Variants in ARHGEF11 observed in about 807,000 individuals in gnomAD.
ARHGEF11 encodes Rho guanine exchange factor (GEF) 11.
Under a neutral mutation model 193.7 loss-of-function variants are expected in ARHGEF11, and 55 were observed. That is an observed-to-expected ratio of 0.28 (90% confidence interval 0.23 to 0.36). The LOEUF is 0.36. Ranked by LOEUF, ARHGEF11 falls within the 10% of genes least tolerant of loss-of-function variation. The probability of loss-of-function intolerance (pLI) is 1.00; values close to 1 mark genes in which losing one functional copy is unlikely to be tolerated. For synonymous variants in ARHGEF11, 693 were observed against 768.0 expected, an observed-to-expected ratio of 0.90 and a Z score of 1.62; for missense variants, 1,723 against 2,005.6, an observed-to-expected ratio of 0.86 and a Z score of 2.69.
In ARHGEF11 at chr1:157,012,854, C is replaced by G. The variant is rs796733442; in HGVS notation, c.33-26681G>C. ...CAATCATCATCACCGCCATCCTCAT[C>G]ATTTCTTGGCCATTCATTCAACAAA... is the stretch of plus-strand genomic sequence containing the variant. On this transcript the variant is annotated intron_variant, in intron 1 of 40. Coordinates refer to ENST00000368194, the MANE Select transcript of ARHGEF11 (RefSeq NM_198236.3). 1.7e-4 allele frequency among the ~76,000 whole-genome samples: 26 copies of G among 152,310 alleles called. 1 individual carries two copies. The highest frequency in any genetic ancestry group is 6.3e-4 in the African/African-American group (26 of 41,574).
At chr1:157,018,170 G>A (rs903546510) in intron 1 of ARHGEF11, among the ~76,000 whole-genome samples, 2 of 152,142 alleles carry the variant, frequency 1.3e-5, no homozygotes. Context: ...AAACATTGCT[G>A]AGAGAACTTA....
chr1:157,011,461 A>C (rs143537260), intron 1 of ARHGEF11, among the ~76,000 whole-genome samples: 7 of 152,260 alleles, frequency 4.6e-5, no homozygotes, highest in African/African-American at 1.4e-4. Flanking sequence ...GCATACGCAA[A>C]AAAAGAAAAA....
At chr1:156,976,322 C>A (rs1663250864) in intron 7 of ARHGEF11, among the ~76,000 whole-genome samples, 2 of 152,056 alleles carry the variant, frequency 1.3e-5, no homozygotes, top group Non-Finnish European at 1.5e-5. Flanking sequence ...CCCCATATTT[C>A]CCATTATTAA....
rs542250379 is a variant in ARHGEF11, at chr1:156,954,746, C to T, written c.1798+146G>A. On this transcript the variant is annotated intron_variant, in intron 21 of 40. Transcript: ENST00000368194. ...CAGCAGCTTTAGCAACAATGAGCAA[C>T]GCATAAGAGAAATGGAGAGAAGAAA... 3.1e-4 allele frequency: 240 copies of T among 764,972 alleles called. 1 individual carries two copies. In the South Asian group the frequency reaches 3.4e-3, roughly 11 times the overall value. 47.4% of individuals were successfully genotyped at this position (764,972 alleles called of 1,614,324 possible).
Position 156,940,421 on chromosome 1 carries a change from A to T in ARHGEF11, c.3519T>A (p.Thr1173=). 1.9e-6 allele frequency: 3 copies of T among 1,599,434 alleles called. No homozygotes were observed. Among genetic ancestry groups the T allele is most frequent in the East Asian group, 4.5e-5 (2 of 44,510 alleles). The part of the protein sequence containing the change: ...EPEPEELPGG[T]GSQQRVQGKH... Reference sequence around the variant, plus strand: ...TCCCTTGGACCCTCTGCTGGGACCCAGTGCCTGTTTCGGATGAGAGAAGAT... The same window carrying T: ...TCCCTTGGACCCTCTGCTGGGACCCTGTGCCTGTTTCGGATGAGAGAAGAT... Residue 1173 remains threonine (T), a synonymous_variant, in exon 36 of 41, where the codon ACT becomes ACA. Transcript: ENST00000368194.
intron 1 of ARHGEF11, among the ~76,000 whole-genome samples, chr1:157,010,260 T>G (rs1387038670): frequency 6.6e-6 from 1 of 152,078 alleles, no homozygotes; most frequent in Admixed American, 6.6e-5. Flanking sequence ...CCAGGGCAAT[T>G]AGGCAAGAAA....
At chr1:156,938,696 A>C in intron 37 of ARHGEF11, 183 bp from the exon 38 acceptor site, 9 of 512,776 alleles carry the variant, frequency 1.8e-5, no homozygotes, top group East Asian at 3.4e-5. Context: ...CTTTCCACCA[A>C]TTCACCGAGA....
At chr1:156,950,596 C>T (rs1263545979) in intron 22 of ARHGEF11, among the ~76,000 whole-genome samples, 2 of 152,160 alleles carry the variant, frequency 1.3e-5, no homozygotes, top group African/African-American at 2.4e-5. Flanking sequence ...GCTATGATTG[C>T]ACCACTGCAA....
chr1:157,030,139 T>C (rs752522490), intron 1 of ARHGEF11, among the ~76,000 whole-genome samples: 5 of 152,198 alleles, frequency 3.3e-5, no homozygotes, highest in Non-Finnish European at 7.3e-5. Context: ...GTAGATTTTA[T>C]GGTATTGTAT....
At chr1:156,976,130 C>T (rs183083028) in intron 7 of ARHGEF11, among the ~76,000 whole-genome samples, 1 of 152,326 alleles carries the variant, frequency 6.6e-6, no homozygotes, top group East Asian at 1.9e-4. Flanking sequence ...CCAACACACA[C>T]ACACGGTATC....
In ARHGEF11 at chr1:156,953,684, C is replaced by CTA. The variant is rs776051693; in HGVS notation, c.1798+1207_1798+1208insTA. ...TTGCATCCCATTGCTGTCTCTCTCT[C>CTA]TCTCTCTATATATATTTATTGTAGA... On this transcript the variant is annotated intron_variant, in intron 21 of 40. Transcript: ENST00000368194. 5.3e-5 allele frequency among the ~76,000 whole-genome samples: 8 copies of CTA among 152,144 alleles called. No homozygotes were observed. The East Asian group carries it at 7.7e-4, about 15-fold the overall frequency.
At chr1:156,989,582 C>T (rs1406533289) in intron 1 of ARHGEF11, among the ~76,000 whole-genome samples, 2 of 152,206 alleles carry the variant, frequency 1.3e-5, no homozygotes, top group East Asian at 3.8e-4. Context: ...TACTACCTAC[C>T]TCTACTGGAT....
intron 1 of ARHGEF11, among the ~76,000 whole-genome samples, chr1:157,013,307 C>T (rs1668801186): frequency 2.2e-5 from 1 of 44,726 alleles, no homozygotes; most frequent in Non-Finnish European, 6.3e-5. Flanking sequence ...ACACCAAGAA[C>T]CTTCTCCGGT....
intron 1 of ARHGEF11, among the ~76,000 whole-genome samples, chr1:157,040,507 G>A (rs1318783503): frequency 6.6e-6 from 1 of 152,206 alleles, no homozygotes; most frequent in Non-Finnish European, 1.5e-5. Context: ...AGACATTTAA[G>A]GTGAGCCAAG....
At chr1:157,009,491 C>A (rs1231799824) in intron 1 of ARHGEF11, among the ~76,000 whole-genome samples, 1 of 152,292 alleles carries the variant, frequency 6.6e-6, no homozygotes, top group East Asian at 1.9e-4. Context: ...CCACAAAGTG[C>A]CAACTGTACA....
intron 33 of ARHGEF11, among the ~76,000 whole-genome samples, chr1:156,942,344 C>T (rs189893444): frequency 6.6e-6 from 1 of 152,348 alleles, no homozygotes; most frequent in East Asian, 1.9e-4. Flanking sequence ...CCTCTGGCAG[C>T]TGCTGTCAAA....
intron 1 of ARHGEF11, among the ~76,000 whole-genome samples, chr1:157,007,227 T>TA (rs1353196132): frequency 1.3e-5 from 2 of 151,914 alleles, no homozygotes; most frequent in African/African-American, 2.4e-5. Context: ...ATGTGGAAGT[T>TA]ACAAAAGAAA....
intron 7 of ARHGEF11, among the ~76,000 whole-genome samples, chr1:156,973,050 TC>T (rs2102328208): frequency 6.6e-6 from 1 of 152,292 alleles, no homozygotes; most frequent in South Asian, 2.1e-4. Context: ...CACTTTTTTT[TC>T]TTTTTTTGTA....
At chr1:156,991,707 C>CTTTTTTTTTTT (rs1208007433) in intron 1 of ARHGEF11, among the ~76,000 whole-genome samples, 4 of 107,530 alleles carry the variant, frequency 3.7e-5, no homozygotes, top group African/African-American at 1.5e-4. Flanking sequence ...TTTTTTCAAG[C>CTTTTTTTTTTT]TTATTTTTTT....
Sources: gnomAD v4.1 joint callset for allele counts (sites outside exome capture counted in the v4.1 genomes callset) on GRCh38, gnomAD v4.1.1 for gene constraint, MANE v1.5 for transcripts, NCBI Gene and HGNC (gene_info 2026-07-23, HGNC 2026-07-21) for gene names.